Variants in KDM1B observed in about 807,000 individuals in gnomAD.
KDM1B encodes lysine-specific histone demethylase 2.
In KDM1B, 63 loss-of-function variants were observed where a neutral mutation model predicts 107.4. That is an observed-to-expected ratio of 0.59 (90% CI 0.48 to 0.72). The LOEUF is 0.72. Among genes scored for constraint, KDM1B ranks in the 30% least tolerant of loss-of-function variants. The pLI is 0.00. For synonymous variants in KDM1B, 363 were observed against 363.9 expected (o/e 1.00, Z 0.03); for missense variants, 749 against 1,020.8 (o/e 0.73, Z 3.63).
chr6:18,185,620 C>A lies in KDM1B; in HGVS notation c.535-152C>A, dbSNP rs1786807164. On this transcript the variant is annotated intron_variant, in intron 7 of 21. Coordinates refer to ENST00000650836, the MANE Select transcript of KDM1B (RefSeq NM_001364614.2). Reference sequence around the variant, plus strand: ...TATAGGCGTGAGCCACAGAGCCAGGCCTCCAGACACTCTGATTTATACATT... The same window carrying A: ...TATAGGCGTGAGCCACAGAGCCAGGACTCCAGACACTCTGATTTATACATT... 7 of 724,566 alleles carry A rather than the reference C, an allele frequency of 9.7e-6. No homozygotes were observed. In the Admixed American group the frequency reaches 1.1e-4, roughly 11 times the overall value. The allele number at this position is 724,566 out of a possible 1,614,324, so 44.9% of individuals were successfully genotyped here.
Position 18,212,598 on chromosome 6 carries a change from T to C in KDM1B, c.1977T>C (p.Ile659=). ...TCAACAGCTTAGGCGCAGGCATCAT[T>C]GAAAAGGTGACTGAAATGACCTCAT... ...KAINSLGAGI[I]EKIALQFPYR... The change falls in exon 18 of 22, where the codon ATT becomes ATC. Residue 659 remains isoleucine (I), a synonymous_variant. Coordinates refer to ENST00000650836, the MANE Select transcript of KDM1B (RefSeq NM_001364614.2). The surrounding 1 kb of genome is among the most constrained non-coding windows in gnomAD (Gnocchi z 5.2). 6.2e-7 allele frequency: 1 copy of C among 1,605,644 alleles called. No individual in the cohort carries two copies. The highest frequency in any genetic ancestry group is 8.5e-7 in the Non-Finnish European group (1 of 1,172,200).
intron 16 of KDM1B, 113 bp downstream of exon 16, chr6:18,207,642 C>CT (rs1788478191): frequency 7.7e-7 from 1 of 1,301,670 alleles, no homozygotes; most frequent in South Asian, 1.3e-5. Flanking sequence ...TAGCCAGGGT[C>CT]TAGAAGTACT....
chr6:18,223,407 A>G lies in KDM1B; in HGVS notation c.*1415A>G, dbSNP rs1306538327. Reference sequence around the variant, plus strand: ...CAACAGCTGTATATCTCAAAAGTTAACCCAAGACAACTCTGATATTTAGGT... The same window carrying G: ...CAACAGCTGTATATCTCAAAAGTTAGCCCAAGACAACTCTGATATTTAGGT... On this transcript the variant is annotated 3_prime_UTR_variant, in exon 22 of 22. Coordinates refer to ENST00000650836, the MANE Select transcript of KDM1B (RefSeq NM_001364614.2). 1 of 142,772 alleles carries G rather than the reference A, an allele frequency of 7.0e-6. No homozygotes were observed. Among genetic ancestry groups the G allele is most frequent in the African/African-American group, 2.6e-5 (1 of 38,818 alleles). 8.8% of individuals were successfully genotyped at this position (142,772 alleles called of 1,614,324 possible).
chr6:18,157,811 T>TTTG (rs1412886402), intron 2 of KDM1B, among the ~76,000 whole-genome samples: 1 of 65,626 alleles, frequency 1.5e-5, no homozygotes, highest in African/African-American at 4.5e-5. Context: ...GATAGTCCTT[T>TTTG]TTTTTTTTTT....
rs186371989 is a variant in KDM1B at position 18,187,746 on chromosome 6, T to A, written c.574-46T>A. 9 of 1,304,592 alleles carry A rather than the reference T, an allele frequency of 6.9e-6. No homozygotes were observed. In the African/African-American group the frequency reaches 7.3e-5, roughly 11 times the overall value. 80.8% of individuals were successfully genotyped at this position (1,304,592 alleles called of 1,614,324 possible). A position where few individuals can be genotyped will look rare whatever the true frequency, so the allele number is the denominator to read the frequency against. On this transcript the variant is annotated intron_variant, in intron 8 of 21. Transcript: ENST00000650836. ...TCCCTGGCAGAATCTGCATGTACAT[T>A]TCTTGTCTGTCCTTGTCTCTCTTCT...
Position 18,221,977 on chromosome 6 carries a change from G to C in KDM1B, c.2454G>C (p.Lys818Asn). ...AYLSGVREAS[K>N]IAAF ...TGAGTGGCGTTCGAGAAGCAAGCAA[G>C]ATTGCAGCATTTTAAGAATTCGGTG... Residue 818 changes from lysine (K) to asparagine (N), a missense_variant, in exon 22 of 22, where the codon AAG becomes AAC. Coordinates refer to ENST00000650836, the MANE Select transcript of KDM1B (RefSeq NM_001364614.2). 6.2e-7 allele frequency: 1 copy of C among 1,614,024 alleles called. No homozygotes were observed. Among genetic ancestry groups the C allele is most frequent in the Non-Finnish European group, 8.5e-7 (1 of 1,179,944 alleles).
chr6:18,207,071 G>A (rs1788424765), intron 15 of KDM1B, among the ~76,000 whole-genome samples: 1 of 152,128 alleles, frequency 6.6e-6, no homozygotes, highest in African/African-American at 2.4e-5. Context: ...AGGACAGATA[G>A]CATATTTATA....
In KDM1B at chr6:18,197,657, T is replaced by A; in HGVS notation, c.1217T>A (p.Ile406Asn). Residue 406 changes from isoleucine to asparagine, a missense_variant, in exon 12 of 22, where the codon ATT (isoleucine) becomes AAT (asparagine). By Grantham distance (149) the Ile-to-Asn change is moderately radical. Transcript: ENST00000650836. The surrounding 1 kb of genome is among the most constrained non-coding windows in gnomAD (Gnocchi z 4.5). ...GCTAGGCAACTGCATAACTTTGGAA[T>A]TAAGGTAGGATTTTGGGGACATGGA... is the stretch of plus-strand genomic sequence containing the variant. Reference protein sequence around the residue: ...AAARQLHNFGIKVTVLEAKDR... With the variant: ...AAARQLHNFGNKVTVLEAKDR... 1 of 1,613,474 alleles carries A rather than the reference T, an allele frequency of 6.2e-7. No individual in the cohort carries two copies. Among genetic ancestry groups the A allele is most frequent in the South Asian group, 1.1e-5 (1 of 91,038 alleles).
At chr6:18,163,161 T>C (rs1202015762) in intron 5 of KDM1B, among the ~76,000 whole-genome samples, 1 of 151,872 alleles carries the variant, frequency 6.6e-6, no homozygotes, top group Non-Finnish European at 1.5e-5. Flanking sequence ...TTTTTTTTTT[T>C]TGAGGCAAGA....
rs1443065505 is a variant in KDM1B, at chr6:18,201,360, T to C, written c.1360-126T>C. On this transcript the variant is annotated intron_variant, in intron 13 of 21. Coordinates refer to ENST00000650836, the MANE Select transcript of KDM1B (RefSeq NM_001364614.2). This position sits in a 1 kb window ranked among gnomAD's most constrained non-coding sequence, Gnocchi z 4.3. ...GCTGCCATTCCCCGTGAAGCATATT[T>C]AGCTTTATTTTTGAGAGATATGAGA... 1 of 662,382 alleles carries C rather than the reference T, an allele frequency of 1.5e-6. No homozygotes were observed. Among genetic ancestry groups the C allele is most frequent in the Non-Finnish European group, 2.5e-6 (1 of 392,240 alleles). 41.0% of individuals were successfully genotyped at this position (662,382 alleles called of 1,614,324 possible). A position where few individuals can be genotyped will look rare whatever the true frequency, so the allele number is the denominator to read the frequency against.
At chr6:18,171,541 G>T (rs1445370760) in intron 7 of KDM1B, 62 bp downstream of exon 7, 5 of 892,832 alleles carry the variant, frequency 5.6e-6, no homozygotes, top group Non-Finnish European at 7.6e-6. Context: ...AATAGTAATG[G>T]TGTATATGTT....
At chr6:18,182,053 G>C (rs1786518608) in intron 7 of KDM1B, among the ~76,000 whole-genome samples, 1 of 151,648 alleles carries the variant, frequency 6.6e-6, no homozygotes, top group East Asian at 1.9e-4. Context: ...TTTTTATTTT[G>C]ATTTGAAACC....
chr6:18,171,380 T>C lies in KDM1B; in HGVS notation c.435T>C (p.Pro145=). 6.2e-7 allele frequency: 1 copy of C among 1,604,520 alleles called. No individual in the cohort carries two copies. The highest frequency in any genetic ancestry group is 1.7e-4 in the Middle Eastern group (1 of 6,044). Residue 145 remains proline, a synonymous_variant, in exon 7 of 22, where the codon CCT becomes CCC. Transcript: ENST00000650836. ...QLPYWVQCTK[P]ECRKWRQLTK... The stretch of plus-strand genomic sequence containing the variant: ...CCATCTAGGTTCAGTGTACAAAACC[T>C]GAGTGTAGAAAATGGAGGCAGCTTA...
At chr6:18,167,958 G>A (rs748420897) in intron 6 of KDM1B, among the ~76,000 whole-genome samples, 8 of 150,608 alleles carry the variant, frequency 5.3e-5, no homozygotes, top group Admixed American at 1.3e-4. Flanking sequence ...GACAGGACTC[G>A]ATATCTTGCC....
At position 18,162,717 on chromosome 6, in the gene KDM1B, G is replaced by A. The variant is rs1027149511; in HGVS notation, c.216-118G>A. On this transcript the variant is annotated intron_variant, in intron 4 of 21. Transcript: ENST00000650836. The surrounding 1 kb of genome is among the most constrained non-coding windows in gnomAD (Gnocchi z 4.1). Reference sequence around the variant, plus strand: ...ATTCCTGTTTCCCCTGTCCTTAAGGGGCTAAGTGGAGATAATGCAAAATGG... The same window carrying A: ...ATTCCTGTTTCCCCTGTCCTTAAGGAGCTAAGTGGAGATAATGCAAAATGG... The A allele has an allele frequency of 1.6e-5, 10 of 644,850 alleles. No individual in the cohort carries two copies. The highest frequency in any genetic ancestry group is 4.8e-5 in the Admixed American group (2 of 41,768). 39.9% of individuals were successfully genotyped at this position (644,850 alleles called of 1,614,324 possible).
Position 18,191,970 on chromosome 6 carries a change from A to T in KDM1B, c.969+589A>T, listed in dbSNP as rs1787307711. ...TGGGAATACTAGCTAAAAACAAAAA[A>T]CAAAGGGGCTGGGTGAAGTGGCTTG... On this transcript the variant is annotated intron_variant, in intron 10 of 21. Coordinates refer to ENST00000650836, the MANE Select transcript of KDM1B (RefSeq NM_001364614.2). The surrounding 1 kb of genome is among the most constrained non-coding windows in gnomAD (Gnocchi z 5.1). 6.6e-6 allele frequency among the ~76,000 whole-genome samples: 1 copy of T among 152,150 alleles called. No homozygotes were observed. The highest frequency in any genetic ancestry group is 6.5e-5 in the Admixed American group (1 of 15,270).
At chr6:18,187,713 ACCC>A in intron 8 of KDM1B, 76 bp from the exon 9 acceptor site, 1 of 937,976 alleles carries the variant, frequency 1.1e-6, no homozygotes, top group Non-Finnish European at 1.7e-6. Context: ...AACGAAGAGA[ACCC>A]TCTGTCCCTG....
At chr6:18,193,139 G>A (rs186413604) in intron 10 of KDM1B, among the ~76,000 whole-genome samples, 2 of 143,600 alleles carry the variant, frequency 1.4e-5, no homozygotes, top group East Asian at 2.1e-4. Flanking sequence ...AGGCTGCAGT[G>A]AGCTGAGATC....
chr6:18,198,157 A>C (rs1429104725), intron 12 of KDM1B, among the ~76,000 whole-genome samples: 2 of 152,014 alleles, frequency 1.3e-5, no homozygotes, highest in African/African-American at 2.4e-5. Flanking sequence ...TGGTCTCCCA[A>C]AGTGCTGGGA....
Sources: gnomAD v4.1 joint callset for allele counts (sites outside exome capture counted in the v4.1 genomes callset) on GRCh38, gnomAD v4.1.1 for gene constraint, Gnocchi (gnomAD v3.1) non-coding constraint, MANE v1.5 for transcripts, NCBI Gene and HGNC (gene_info 2026-07-23, HGNC 2026-07-21) for gene names.